DPYSL5: variants seen among roughly 807,000 people sequenced by gnomAD.
The protein encoded by DPYSL5 is dihydropyrimidinase-related protein 5.
DPYSL5 carries 9 observed loss-of-function variants against 58.4 expected under a neutral mutation model. The observed-to-expected ratio is 0.15, with a 90% CI of 0.09 to 0.27. The LOEUF is 0.27. Among genes scored for constraint, DPYSL5 ranks in the 10% least tolerant of loss-of-function variants. The pLI is 1.00. For missense variants in DPYSL5, 499 were observed against 770.6 expected (o/e 0.65, Z 4.17); for synonymous variants, 293 against 301.9 (o/e 0.97, Z 0.31).
rs1373964131 is a variant in DPYSL5 at position 26,931,199 on chromosome 2, GTGTGTATATATA to G, written c.670-439_670-428del. Among the ~76,000 whole-genome samples the G allele has an allele frequency of 1.9e-3, 99 of 52,874 alleles. 2 individuals carry two copies. The highest frequency in any genetic ancestry group is 0.012 in the Middle Eastern group (1 of 82). The allele number at this position is 52,874 out of a possible 152,430, so 34.7% of individuals were successfully genotyped here. On this transcript the variant is annotated intron_variant, in intron 5 of 12. Coordinates refer to ENST00000288699, the MANE Select transcript of DPYSL5 (RefSeq NM_020134.4). Reference sequence around the variant, plus strand: ...TGTGTGTGTGTGTGTGTGTGTGTGTGTGTGTATATATATATATATATATATATATATGAATTA... The same window carrying G: ...TGTGTGTGTGTGTGTGTGTGTGTGTGTATATATATATATATATATGAATTA...
At chr2:26,910,495 T>A (rs1045076375) in intron 2 of DPYSL5, among the ~76,000 whole-genome samples, 5 of 152,220 alleles carry the variant, frequency 3.3e-5, no homozygotes, top group African/African-American at 1.2e-4. Context: ...CATGTGCCTA[T>A]ATGCCTTCTA....
intron 1 of DPYSL5, among the ~76,000 whole-genome samples, chr2:26,888,099 G>A (rs1179571595): frequency 6.6e-6 from 1 of 152,162 alleles, no homozygotes; most frequent in East Asian, 1.9e-4. Flanking sequence ...CAAAGTCCAG[G>A]GATTGGAGTG....
At chr2:26,917,573 G>C (rs1022304507) in intron 2 of DPYSL5, among the ~76,000 whole-genome samples, 4 of 152,042 alleles carry the variant, frequency 2.6e-5, no homozygotes, top group African/African-American at 9.7e-5. Context: ...ATGGAGTGGG[G>C]GTCAGCATGC....
intron 1 of DPYSL5, among the ~76,000 whole-genome samples, chr2:26,855,225 C>T (rs946202152): frequency 6.6e-6 from 1 of 150,884 alleles, no homozygotes; most frequent in Non-Finnish European, 1.5e-5. Flanking sequence ...GTCAGGAGTT[C>T]GAGACCAGCC....
intron 2 of DPYSL5, among the ~76,000 whole-genome samples, chr2:26,918,152 A>AG (rs1177814826): frequency 2.0e-5 from 3 of 150,646 alleles, no homozygotes; most frequent in African/African-American, 4.9e-5. Context: ...AAAAAAAAAA[A>AG]AAAAAAAAAA....
At chr2:26,881,731 G>T (rs538307917) in intron 1 of DPYSL5, among the ~76,000 whole-genome samples, 2 of 152,134 alleles carry the variant, frequency 1.3e-5, no homozygotes, top group East Asian at 1.9e-4. Flanking sequence ...TCTTTGAAGG[G>T]GTCTTACGAC....
In DPYSL5 at chr2:26,941,968, G is replaced by A. The variant is rs1463720944; in HGVS notation, c.1108G>A (p.Glu370Lys). 6.2e-7 allele frequency: 1 copy of A among 1,614,180 alleles called. No individual in the cohort carries two copies. The highest frequency in any genetic ancestry group is 1.3e-5 in the African/African-American group (1 of 75,054). ...ATTTCAGGTTGGAGGAAAGATGGATGAGAACCGTTTTGTGGCCGTTACCAG... is the reference window on the plus strand; with the variant it reads ...ATTTCAGGTTGGAGGAAAGATGGATAAGAACCGTTTTGTGGCCGTTACCAG... ...ERGVVGGKMD[E>K]NRFVAVTSSN... The change falls in exon 10 of 13, where the codon GAG becomes AAG. Residue 370 changes from glutamate (E) to lysine (K), a missense_variant. By Grantham distance (56) the Glu-to-Lys change is moderately conservative. Coordinates refer to ENST00000288699, the MANE Select transcript of DPYSL5 (RefSeq NM_020134.4).
chr2:26,932,189 A>AAGACAGAC (rs778351251), intron 6 of DPYSL5, among the ~76,000 whole-genome samples: 13 of 72,156 alleles, frequency 1.8e-4, no homozygotes, highest in Admixed American at 4.0e-4. Flanking sequence ...GAAAGAAAGA[A>AAGACAGAC]AGAAAGAAAG....
At chr2:26,887,894 C>T (rs930307771) in intron 1 of DPYSL5, among the ~76,000 whole-genome samples, 15 of 152,184 alleles carry the variant, frequency 9.9e-5, no homozygotes, top group African/African-American at 3.6e-4. Context: ...GATCAGAATC[C>T]TCTTGGAGGA....
intron 1 of DPYSL5, among the ~76,000 whole-genome samples, chr2:26,882,682 C>G (rs1047093509): frequency 2.0e-5 from 3 of 152,092 alleles, no homozygotes; most frequent in Admixed American, 2.0e-4. Context: ...GGGTGGATCA[C>G]TTGAGGTCAG....
chr2:26,928,469 T>C, intron 5 of DPYSL5, 146 bp downstream of exon 5: 1 of 880,198 alleles, frequency 1.1e-6, no homozygotes, highest in East Asian at 2.8e-5. Context: ...CTGAGGTGGG[T>C]GGATGGCTTG....
chr2:26,854,660 G>A (rs1034429649), intron 1 of DPYSL5, among the ~76,000 whole-genome samples: 4 of 152,060 alleles, frequency 2.6e-5, no homozygotes, highest in Admixed American at 6.6e-5. Context: ...CTCTTTTCTC[G>A]TCCAGGTGGC....
intron 2 of DPYSL5, among the ~76,000 whole-genome samples, chr2:26,912,029 C>A (rs557318220): frequency 6.6e-6 from 1 of 152,250 alleles, no homozygotes; most frequent in Non-Finnish European, 1.5e-5. Flanking sequence ...GCACATGGTT[C>A]TCACAGGACC....
chr2:26,922,060 T>C (rs1023518225), intron 2 of DPYSL5, among the ~76,000 whole-genome samples: 2 of 152,142 alleles, frequency 1.3e-5, no homozygotes, highest in South Asian at 2.1e-4. Context: ...CCCTGCCCCA[T>C]AGGTCTGGGG....
rs770640809 is a variant in DPYSL5 at position 26,931,684 on chromosome 2, G to A, written c.714G>A (p.Arg238=). The change falls in exon 6 of 13, where the codon AGG becomes AGA. Residue 238 remains arginine, a splice_region_variant and synonymous_variant. Coordinates refer to ENST00000288699, the MANE Select transcript of DPYSL5 (RefSeq NM_020134.4). The part of the protein sequence containing the change: ...ATHRVITIAN[R]THCPIYLVNV... The stretch of plus-strand genomic sequence containing the variant: ...ATCGTGTTATCACCATTGCAAACAG[G>A]GTAAGTCCCCCGATGTCCACTGTGG... The A allele has an allele frequency of 8.1e-6, 13 of 1,613,690 alleles. 1 individual carries two copies. In the African/African-American group the frequency reaches 1.2e-4, roughly 15 times the overall value.
chr2:26,902,367 C>T (rs1444041041), intron 2 of DPYSL5, among the ~76,000 whole-genome samples: 1 of 152,068 alleles, frequency 6.6e-6, no homozygotes, highest in Admixed American at 6.6e-5. Flanking sequence ...ACCAATGGCT[C>T]TCCAGGGCCA....
intron 2 of DPYSL5, among the ~76,000 whole-genome samples, chr2:26,899,573 A>G (rs1395490796): frequency 6.6e-6 from 1 of 152,140 alleles, no homozygotes; most frequent in Non-Finnish European, 1.5e-5. Flanking sequence ...CTGACCTGGA[A>G]CTAGAGTAGC....
chr2:26,940,619 C>T (rs1665293351), intron 9 of DPYSL5, among the ~76,000 whole-genome samples: 1 of 151,804 alleles, frequency 6.6e-6, no homozygotes, highest in Admixed American at 6.6e-5. Flanking sequence ...TGAGCCACCA[C>T]ACCCAGCTAT....
chr2:26,912,671 A>G (rs1374239864), intron 2 of DPYSL5, among the ~76,000 whole-genome samples: 1 of 152,266 alleles, frequency 6.6e-6, no homozygotes, highest in East Asian at 1.9e-4. Flanking sequence ...GTCGGGAGCC[A>G]GCCGGCTCCG....
Sources: allele counts gnomAD v4.1 joint callset (sites outside exome capture counted in the v4.1 genomes callset), GRCh38; gene constraint gnomAD v4.1.1; transcripts MANE v1.5; gene names NCBI Gene and HGNC (gene_info 2026-07-23, HGNC 2026-07-21).